Variants in TTC28 observed in about 807,000 individuals in gnomAD.
TTC28 encodes the protein tetratricopeptide repeat protein 28.
Under a neutral mutation model 198.0 loss-of-function variants are expected in TTC28, and 61 were observed. The observed-to-expected ratio is 0.31, with a 90% CI of 0.25 to 0.38. The LOEUF (loss-of-function observed/expected upper bound fraction) is 0.38, where lower values mean the gene tolerates loss of function less well. Ranked by LOEUF, TTC28 falls within the 10% of genes least tolerant of loss-of-function variation. TTC28 has a pLI of 1.00. For synonymous variants in TTC28, 1,171 were observed against 1,297.8 expected (o/e 0.90, Z 2.10); for missense variants, 2,678 against 3,164.0 (o/e 0.85, Z 3.69).
chr22:28,096,705 C>G (rs1941986709), intron 10 of TTC28, among the ~76,000 whole-genome samples: 1 of 152,110 alleles, frequency 6.6e-6, no homozygotes, highest in Non-Finnish European at 1.5e-5. Context: ...TGCTCCATCT[C>G]TGCTCCACCT....
intron 13 of TTC28, among the ~76,000 whole-genome samples, chr22:28,015,222 G>C (rs1938318160): frequency 6.6e-6 from 1 of 152,142 alleles, no homozygotes; most frequent in South Asian, 2.1e-4. Flanking sequence ...GAGCAGAAGA[G>C]ATACAGGAAG....
chr22:28,108,303 GC>G lies in TTC28; in HGVS notation c.1541del (p.Gly514AlafsTer34). The G allele has an allele frequency of 6.5e-7, 1 of 1,535,992 alleles. No individual in the cohort carries two copies. The highest frequency in any genetic ancestry group is 8.8e-7 in the Non-Finnish European group (1 of 1,135,396). ...AQELSDYAAQ[G>X]RAYGNMGNAY... ...CATTGCCCATATTCCCATAGGCACG[GC>G]CCTGGGCAGCATAATCACTCAGCTC... On this transcript the variant is annotated frameshift_variant, in exon 7 of 23. Transcript: ENST00000397906. LOFTEE classifies it high-confidence loss of function.
At chr22:28,402,223 G>A (rs1036679362) in intron 2 of TTC28, among the ~76,000 whole-genome samples, 3 of 152,212 alleles carry the variant, frequency 2.0e-5, no homozygotes, top group African/African-American at 7.2e-5. Context: ...AGGAGAACAC[G>A]TTTCCAGTAG....
At chr22:28,487,348 A>G (rs1568974735) in intron 2 of TTC28, among the ~76,000 whole-genome samples, 1 of 151,978 alleles carries the variant, frequency 6.6e-6, no homozygotes, top group Non-Finnish European at 1.5e-5. Context: ...CAGAGATAAT[A>G]GTGGTTAAGA....
At chr22:28,337,028 T>C (rs1231324128) in intron 2 of TTC28, among the ~76,000 whole-genome samples, 4 of 152,204 alleles carry the variant, frequency 2.6e-5, no homozygotes, top group Non-Finnish European at 2.9e-5. Flanking sequence ...CCAGAGATTC[T>C]GGTATGTTGT....
intron 12 of TTC28, among the ~76,000 whole-genome samples, chr22:28,036,432 A>G (rs1939350703): frequency 6.6e-6 from 1 of 152,184 alleles, no homozygotes; most frequent in Non-Finnish European, 1.5e-5. Flanking sequence ...GGTACGTAAC[A>G]AAATGAAGGC....
intron 2 of TTC28, among the ~76,000 whole-genome samples, chr22:28,494,189 G>A (rs893848710): frequency 1.3e-5 from 2 of 152,160 alleles, no homozygotes; most frequent in Non-Finnish European, 2.9e-5. Flanking sequence ...AGTGATGTCT[G>A]GGATTGTTTC....
intron 2 of TTC28, among the ~76,000 whole-genome samples, chr22:28,393,584 C>T (rs2046769368): frequency 6.6e-6 from 1 of 151,960 alleles, no homozygotes; most frequent in Admixed American, 6.6e-5. Flanking sequence ...GCCCCAGCTA[C>T]TAGGGAGGCT....
chr22:28,611,583 G>A (rs10460754), intron 2 of TTC28, among the ~76,000 whole-genome samples: 35,216 of 138,286 alleles, frequency 0.25, 5,796 homozygotes, highest in Middle Eastern at 0.38. Context: ...ATGTATACAT[G>A]TGCCATGCTG....
intron 6 of TTC28, among the ~76,000 whole-genome samples, chr22:28,153,779 T>C (rs992990015): frequency 6.6e-6 from 1 of 152,206 alleles, no homozygotes; most frequent in African/African-American, 2.4e-5. Flanking sequence ...ACTTTCTAGA[T>C]ATAAAATGTT....
At chr22:28,296,056 C>T in intron 5 of TTC28, 142 bp downstream of exon 5, 1 of 863,446 alleles carries the variant, frequency 1.2e-6, no homozygotes, top group Non-Finnish European at 1.7e-6. Context: ...TGATGAAAAA[C>T]AGAATCAGTA....
At chr22:28,572,072 G>A (rs1370602613) in intron 2 of TTC28, among the ~76,000 whole-genome samples, 1 of 151,928 alleles carries the variant, frequency 6.6e-6, no homozygotes, top group Non-Finnish European at 1.5e-5. Flanking sequence ...GGTAGCTCAT[G>A]CCTGTAATCC....
chr22:28,146,682 T>C (rs1377432464), intron 6 of TTC28, among the ~76,000 whole-genome samples: 1 of 152,220 alleles, frequency 6.6e-6, no homozygotes, highest in East Asian at 1.9e-4. Flanking sequence ...TGTCTTTGTC[T>C]TATTCGGGAT....
intron 1 of TTC28, 23 bp from the exon 2 acceptor site, chr22:28,629,853 A>G (rs2051144019): frequency 6.5e-7 from 1 of 1,534,904 alleles, no homozygotes. Context: ...AAACTTTATC[A>G]GAAAAAGTTC....
In TTC28 at chr22:27,995,994, C is replaced by T. The variant is rs1022631691; in HGVS notation, c.5244+141G>A. 114 of 1,292,190 alleles carry T rather than the reference C, an allele frequency of 8.8e-5. No individual in the cohort carries two copies. The East Asian group carries it at 2.4e-3, about 27-fold the overall frequency. 80.0% of individuals were successfully genotyped at this position (1,292,190 alleles called of 1,614,324 possible). ...TTATCCCAGGGACGTCTGTGGAAGC[C>T]GGTCAGTGCCATCCTGGACACGGCC... On this transcript the variant is annotated intron_variant, in intron 17 of 22. Transcript: ENST00000397906.
At chr22:28,348,480 G>A (rs1300056180) in intron 2 of TTC28, among the ~76,000 whole-genome samples, 1 of 152,098 alleles carries the variant, frequency 6.6e-6, no homozygotes, top group Non-Finnish European at 1.5e-5. Flanking sequence ...GAGGAACTGA[G>A]CTCAAAATAA....
intron 2 of TTC28, among the ~76,000 whole-genome samples, chr22:28,387,785 T>A (rs932555066): frequency 1.3e-5 from 2 of 152,114 alleles, no homozygotes; most frequent in Admixed American, 1.3e-4. Context: ...TTTCTCCCAT[T>A]TTGTAGGTTG....
chr22:28,331,598 A>C (rs1453516332), intron 2 of TTC28, among the ~76,000 whole-genome samples: 1 of 152,092 alleles, frequency 6.6e-6, no homozygotes, highest in African/African-American at 2.4e-5. Flanking sequence ...TTAATAACTA[A>C]AGAATTTCAT....
At chr22:28,459,434 GA>G (rs546484934) in intron 2 of TTC28, among the ~76,000 whole-genome samples, 9 of 148,384 alleles carry the variant, frequency 6.1e-5, no homozygotes, top group East Asian at 2.0e-4. Context: ...CGGTTTCAAA[GA>G]AAAAAAAAAT....
Sources: allele counts gnomAD v4.1 joint callset (sites outside exome capture counted in the v4.1 genomes callset), GRCh38; gene constraint gnomAD v4.1.1; transcripts MANE v1.5; gene names NCBI Gene and HGNC (gene_info 2026-07-23, HGNC 2026-07-21).